The following CFAP46 variants were observed in gnomAD, a reference collection of about 807,000 sequenced individuals.
CFAP46 encodes the protein cilia- and flagella-associated protein 46.
CFAP46 carries 245 observed loss-of-function variants against 325.7 expected under a neutral mutation model. That is an observed-to-expected ratio of 0.75 (90% CI 0.68 to 0.84). The LOEUF is 0.84. Among genes scored for constraint, CFAP46 ranks in the 40% least tolerant of loss-of-function variants. CFAP46 has a pLI of 0.00. For synonymous variants in CFAP46, 1,523 were observed against 1,495.9 expected, an observed-to-expected ratio of 1.02 and a Z score of -0.42; for missense variants, 3,346 against 3,543.0, an observed-to-expected ratio of 0.94 and a Z score of 1.41.
In CFAP46 at chr10:132,821,112, ATGTGTGCTG is replaced by A. The variant is rs1157884797; in HGVS notation, c.7118-6207_7118-6199del. Among the ~76,000 whole-genome samples, 34 of 43,528 alleles carry A rather than the reference ATGTGTGCTG, an allele frequency of 7.8e-4. 2 individuals carry two copies. In the Admixed American group the frequency reaches 8.1e-3, roughly 10 times the overall value. The allele number at this position is 43,528 out of a possible 152,430, so 28.6% of individuals were successfully genotyped here. On this transcript the variant is annotated intron_variant, in intron 50 of 57. Coordinates refer to ENST00000368586, the MANE Select transcript of CFAP46 (RefSeq NM_001200049.3). Reference sequence around the variant, plus strand: ...GCTGATGTGTGCTTTGTGTGTGCTGATGTGTGCTGTGTGTGTGCTGATGTGTGCTGTGTG... The same window carrying A: ...GCTGATGTGTGCTTTGTGTGTGCTGATGTGTGTGCTGATGTGTGCTGTGTG...
chr10:132,872,166 A>C (rs1358594538), intron 32 of CFAP46, among the ~76,000 whole-genome samples: 1 of 152,242 alleles, frequency 6.6e-6, no homozygotes, highest in Non-Finnish European at 1.5e-5. Context: ...CACAACCTGC[A>C]ATATCTCCAA....
chr10:132,881,083 T>A, intron 27 of CFAP46, 51 bp from the exon 28 acceptor site: 2 of 1,482,618 alleles, frequency 1.3e-6, no homozygotes, highest in South Asian at 1.2e-5. Flanking sequence ...CCTGAAGGCG[T>A]TCCTGACGCA....
intron 11 of CFAP46, among the ~76,000 whole-genome samples, chr10:132,923,879 G>A (rs1849766190): frequency 6.6e-6 from 1 of 152,124 alleles, no homozygotes; most frequent in South Asian, 2.1e-4. Context: ...CCTCCAAAAG[G>A]TATAGTCGAG....
chr10:132,859,154 C>T lies in CFAP46; in HGVS notation c.5292G>A (p.Leu1764=). 1 of 1,550,928 alleles carries T rather than the reference C, an allele frequency of 6.4e-7. No homozygotes were observed. Among genetic ancestry groups the T allele is most frequent in the Non-Finnish European group, 8.7e-7 (1 of 1,147,074 alleles). ...SLLLKEMDDG[L]LEIERKFIDC... is the part of the protein sequence containing the mutation. ...CGATAAACTTTCTCTCAATTTCCAACAGGCCATCATCCATCTCTTTCAGTA... is the reference window on the plus strand; with the variant it reads ...CGATAAACTTTCTCTCAATTTCCAATAGGCCATCATCCATCTCTTTCAGTA... The change falls in exon 38 of 58, where the codon CTG becomes CTA. Residue 1764 remains leucine (L), a synonymous_variant. Transcript: ENST00000368586.
At chr10:132,880,650 C>CGCTG (rs1849025678) in intron 28 of CFAP46, among the ~76,000 whole-genome samples, 8 of 62,306 alleles carry the variant, frequency 1.3e-4, no homozygotes, top group African/African-American at 5.3e-4. Context: ...CAGAGGACAG[C>CGCTG]ACTGAGACAC....
At chr10:132,915,108 T>C (rs1009289114) in intron 17 of CFAP46, among the ~76,000 whole-genome samples, 7 of 152,392 alleles carry the variant, frequency 4.6e-5, no homozygotes, top group East Asian at 1.9e-4. Flanking sequence ...GCAAGCTCCA[T>C]ATAGTCTTCA....
chr10:132,893,734 G>T (rs937620334), intron 24 of CFAP46, among the ~76,000 whole-genome samples: 1 of 152,236 alleles, frequency 6.6e-6, no homozygotes, highest in Non-Finnish European at 1.5e-5. Context: ...TCTTCCCAGT[G>T]TACTTTCTTT....
In CFAP46 at chr10:132,833,510, T is replaced by TCC; in HGVS notation, c.6964_6965insGG (p.Glu2322GlyfsTer7). ...GACCAGGACTATCTTATCGGCAACCTCAGGCTGGACTGTGCCTGGGAAACA... is the reference window on the plus strand; with the variant it reads ...GACCAGGACTATCTTATCGGCAACCTCCCAGGCTGGACTGTGCCTGGGAAACA... On this transcript the variant is annotated frameshift_variant, in exon 50 of 58. Transcript: ENST00000368586. LOFTEE classifies it high-confidence loss of function. 1 of 1,613,790 alleles carries TCC rather than the reference T, an allele frequency of 6.2e-7. No individual in the cohort carries two copies. Among genetic ancestry groups the TCC allele is most frequent in the Non-Finnish European group, 8.5e-7 (1 of 1,179,814 alleles).
chr10:132,908,670 A>G, intron 21 of CFAP46, 36 bp from the exon 22 acceptor site: 1 of 1,495,274 alleles, frequency 6.7e-7, no homozygotes. Context: ...GCACCGTGTT[A>G]GCAACAACGA....
At position 132,817,955 on chromosome 10, in the gene CFAP46, G is replaced by A. The variant is rs981159737; in HGVS notation, c.7118-3041C>T. Among the ~76,000 whole-genome samples, 1 of 152,204 alleles carries A rather than the reference G, an allele frequency of 6.6e-6. No individual in the cohort carries two copies. The highest frequency in any genetic ancestry group is 1.5e-5 in the Non-Finnish European group (1 of 68,036). ...ACGCCCTCCATCCTCACCGTCGGCA[G>A]CGCAGCCCCCAGGCTCCTTCTCCTG... On this transcript the variant is annotated intron_variant, in intron 50 of 57. Coordinates refer to ENST00000368586, the MANE Select transcript of CFAP46 (RefSeq NM_001200049.3). This position sits in a 1 kb window ranked among gnomAD's most constrained non-coding sequence, Gnocchi z 4.4.
At position 132,938,739 on chromosome 10, in the gene CFAP46, A is replaced by G; in HGVS notation, c.386T>C (p.Val129Ala). The change falls in exon 5 of 58, where the codon GTG becomes GCG. Residue 129 changes from valine to alanine, a missense_variant. Physicochemically the swap from Val to Ala is moderately conservative, Grantham distance 64. Coordinates refer to ENST00000368586, the MANE Select transcript of CFAP46 (RefSeq NM_001200049.3). ...AKGEPRYYFL[V>A]YNASVLYWQM... ...CCAGTAGAGGACTGATGCATTGTAC[A>G]CCAAAAAGTAGTACCTGCGGCGCGA... is the stretch of plus-strand genomic sequence containing the variant. The G allele has an allele frequency of 1.2e-6, 2 of 1,612,648 alleles. No homozygotes were observed. The highest frequency in any genetic ancestry group is 1.7e-6 in the Non-Finnish European group (2 of 1,179,554).
chr10:132,941,208 C>A, intron 3 of CFAP46, 148 bp from the exon 4 acceptor site: 2 of 814,370 alleles, frequency 2.5e-6, no homozygotes, highest in East Asian at 2.6e-5. Context: ...GCAGACACAG[C>A]CTGAGTGTCG....
intron 50 of CFAP46, among the ~76,000 whole-genome samples, chr10:132,826,399 C>T (rs1848052314): frequency 7.2e-6 from 1 of 138,646 alleles, no homozygotes; most frequent in Admixed American, 7.0e-5. Flanking sequence ...AGAGACCAGC[C>T]ATGGAGCCAG....
At chr10:132,892,502 C>T (rs975671119) in intron 24 of CFAP46, 85 bp from the exon 25 acceptor site, 2 of 1,224,646 alleles carry the variant, frequency 1.6e-6, no homozygotes, top group Non-Finnish European at 1.2e-6. Flanking sequence ...CCCCTCTGAG[C>T]TCTGTGTTCC....
chr10:132,893,776 TC>T (rs1303266986), intron 24 of CFAP46, among the ~76,000 whole-genome samples: 1 of 152,240 alleles, frequency 6.6e-6, no homozygotes, highest in East Asian at 1.9e-4. Flanking sequence ...AAACTCTCAC[TC>T]CTGCTCTAAG....
At chr10:132,897,126 C>A (rs1290998977) in intron 24 of CFAP46, among the ~76,000 whole-genome samples, 1 of 152,130 alleles carries the variant, frequency 6.6e-6, no homozygotes, top group Non-Finnish European at 1.5e-5. Context: ...GATCAAAGAT[C>A]TAAACTTAAG....
intron 24 of CFAP46, chr10:132,898,496 G>T: frequency 3.3e-6 from 1 of 303,502 alleles, no homozygotes. Context: ...CCATCCCCTG[G>T]GCCTTGGGGG....
chr10:132,881,470 C>T (rs546681735), intron 27 of CFAP46, among the ~76,000 whole-genome samples: 1 of 152,336 alleles, frequency 6.6e-6, no homozygotes, highest in South Asian at 2.1e-4. Flanking sequence ...AGGTGTTTGC[C>T]CTGTCCTGCG....
At chr10:132,814,306 T>A in intron 53 of CFAP46, 52 bp from the exon 54 acceptor site, 2 of 1,468,678 alleles carry the variant, frequency 1.4e-6, no homozygotes, top group South Asian at 1.2e-5. Context: ...CAGACACGGG[T>A]GTGCAGGGCC....
Sources: allele counts gnomAD v4.1 joint callset (sites outside exome capture counted in the v4.1 genomes callset), GRCh38; gene constraint gnomAD v4.1.1; non-coding constraint Gnocchi (gnomAD v3.1); transcripts MANE v1.5; gene names NCBI Gene and HGNC (gene_info 2026-07-23, HGNC 2026-07-21).